ADGRG7: variants seen among roughly 807,000 people sequenced by gnomAD.
ADGRG7 encodes the protein G-protein coupled receptor 128.
ADGRG7 carries 82 observed loss-of-function variants against 88.6 expected under a neutral mutation model. The observed-to-expected ratio is 0.93, with a 90% CI of 0.77 to 1.11. ADGRG7 has a LOEUF of 1.11. Among genes scored for constraint, ADGRG7 ranks in the 50% most tolerant of loss-of-function variants. The pLI is 0.00. For missense variants in ADGRG7, 945 were observed against 953.4 expected (o/e 0.99, Z 0.12); for synonymous variants, 381 against 345.2 (o/e 1.10, Z -1.15).
intron 6 of ADGRG7, among the ~76,000 whole-genome samples, chr3:100,637,984 G>A (rs1031385584): frequency 1.3e-5 from 2 of 152,194 alleles, no homozygotes; most frequent in African/African-American, 4.8e-5. Context: ...CCACTGTCAG[G>A]AGCGAACTCT....
intron 14 of ADGRG7, among the ~76,000 whole-genome samples, chr3:100,660,086 A>T (rs1177574809): frequency 3.9e-5 from 6 of 152,236 alleles, no homozygotes; most frequent in Non-Finnish European, 8.8e-5. Flanking sequence ...CAAAGTGAGG[A>T]TCAACTAAAA....
intron 15 of ADGRG7, among the ~76,000 whole-genome samples, chr3:100,680,289 T>A (rs1446197282): frequency 6.6e-6 from 1 of 152,224 alleles, no homozygotes; most frequent in African/African-American, 2.4e-5. Flanking sequence ...TCCAGCTTTA[T>A]GCACATTGAT....
chr3:100,637,272 C>T (rs1707560587), intron 5 of ADGRG7, 30 bp from the exon 6 acceptor site: 7 of 1,387,936 alleles, frequency 5.0e-6, no homozygotes, highest in Non-Finnish European at 7.2e-6. Context: ...ATATATGCTT[C>T]TCTGATGATC....
At chr3:100,620,684 T>A (rs1381062546) in intron 1 of ADGRG7, among the ~76,000 whole-genome samples, 2 of 152,166 alleles carry the variant, frequency 1.3e-5, no homozygotes, top group African/African-American at 4.8e-5. Flanking sequence ...ATAAAAGCAT[T>A]TTCAGCTAAA....
rs1576321950 is a variant in ADGRG7 at position 100,643,541 on chromosome 3, T to C, written c.854T>C (p.Leu285Pro). 1 of 1,613,376 alleles carries C rather than the reference T, an allele frequency of 6.2e-7. No homozygotes were observed. Among genetic ancestry groups the C allele is most frequent in the Admixed American group, 1.7e-5 (1 of 59,944 alleles). The change falls in exon 8 of 16, where the codon CTA becomes CCA. Residue 285 changes from leucine (L) to proline (P), a missense_variant. Coordinates refer to ENST00000273352, the MANE Select transcript of ADGRG7 (RefSeq NM_032787.3). ...CTTCTCATAGGAGCTAGCAGTTCTCTAGTTTCTAGTTCAACATTTATACAT... is the reference window on the plus strand; with the variant it reads ...CTTCTCATAGGAGCTAGCAGTTCTCCAGTTTCTAGTTCAACATTTATACAT... Reference protein sequence around the residue: ...FSVQKGASSSLVSSSTFIHTN... With the variant: ...FSVQKGASSSPVSSSTFIHTN...
intron 4 of ADGRG7, among the ~76,000 whole-genome samples, chr3:100,634,602 G>T (rs765552366): frequency 6.6e-6 from 1 of 152,164 alleles, no homozygotes; most frequent in African/African-American, 2.4e-5. Context: ...AGATGGGCAG[G>T]GTAGGGGTTG....
At chr3:100,649,358 G>T (rs1264667149) in intron 10 of ADGRG7, among the ~76,000 whole-genome samples, 2 of 152,176 alleles carry the variant, frequency 1.3e-5, no homozygotes, top group East Asian at 3.8e-4. Context: ...ACATCAGCAG[G>T]TTGCACAGGA....
intron 15 of ADGRG7, among the ~76,000 whole-genome samples, chr3:100,690,478 T>G (rs1007209818): frequency 6.6e-6 from 1 of 152,198 alleles, no homozygotes; most frequent in Admixed American, 6.5e-5. Flanking sequence ...TCTGCTCGGT[T>G]TTTTCCCCAT....
At chr3:100,622,176 C>CTTT (rs1454290915) in intron 1 of ADGRG7, among the ~76,000 whole-genome samples, 1 of 151,778 alleles carries the variant, frequency 6.6e-6, no homozygotes, top group Admixed American at 6.6e-5. Flanking sequence ...GACCCCTGTA[C>CTTT]TAGAGTTTTA....
At chr3:100,675,688 G>T (rs1417304864) in intron 15 of ADGRG7, among the ~76,000 whole-genome samples, 3 of 151,990 alleles carry the variant, frequency 2.0e-5, no homozygotes, top group African/African-American at 7.2e-5. Context: ...ATTGGTGTTA[G>T]TTCTTCTTTA....
chr3:100,614,503 G>A (rs573408979), intron 1 of ADGRG7, among the ~76,000 whole-genome samples: 3 of 152,208 alleles, frequency 2.0e-5, no homozygotes, highest in South Asian at 2.1e-4. Context: ...TATTTTATTT[G>A]TATAAATCTT....
intron 15 of ADGRG7, among the ~76,000 whole-genome samples, chr3:100,678,902 A>C (rs2094969172): frequency 6.6e-6 from 1 of 152,232 alleles, no homozygotes; most frequent in Non-Finnish European, 1.5e-5. Context: ...GCGCTGGGTC[A>C]GAACTACAGC....
intron 15 of ADGRG7, among the ~76,000 whole-genome samples, chr3:100,670,782 A>G (rs1006690826): frequency 5.9e-5 from 9 of 152,060 alleles, no homozygotes; most frequent in Non-Finnish European, 1.3e-4. Context: ...TCATTGTTCA[A>G]CTGCCACTTA....
Position 100,620,392 on chromosome 3 carries a change from A to G in ADGRG7, c.116-9206A>G, listed in dbSNP as rs138668087. 3.5e-3 allele frequency among the ~76,000 whole-genome samples: 538 copies of G among 152,330 alleles called. 5 individuals are homozygous for G. The highest frequency in any genetic ancestry group is 5.3e-3 in the Non-Finnish European group (363 of 68,034). On this transcript the variant is annotated intron_variant, in intron 1 of 15. Transcript: ENST00000273352. ...GCTAAAAACTCTCAATAAATTAGGTATCGATGGGACGTATCTCAAAATAAT... is the reference window on the plus strand; with the variant it reads ...GCTAAAAACTCTCAATAAATTAGGTGTCGATGGGACGTATCTCAAAATAAT...
At chr3:100,680,666 T>A (rs1015396055) in intron 15 of ADGRG7, among the ~76,000 whole-genome samples, 1 of 152,132 alleles carries the variant, frequency 6.6e-6, no homozygotes, top group Admixed American at 6.5e-5. Context: ...CATTAACTTT[T>A]CGTTGTCAAC....
Position 100,659,799 on chromosome 3 carries a change from A to G in ADGRG7, c.1935A>G (p.Thr645=). Residue 645 remains threonine (T), a synonymous_variant, in exon 14 of 16, where the codon ACA becomes ACG. Transcript: ENST00000273352. ...ILISNVVMFI[T]ISIKVLWKNN... ...TCAGCAATGTTGTTATGTTTATTAC[A>G]ATCTCGATCAAAGTGCTGTGGAAGA... is the stretch of plus-strand genomic sequence containing the variant. The G allele has an allele frequency of 1.2e-6, 2 of 1,613,950 alleles. No homozygotes were observed. Among genetic ancestry groups the G allele is most frequent in the African/African-American group, 1.3e-5 (1 of 75,026 alleles).
intron 2 of ADGRG7, among the ~76,000 whole-genome samples, chr3:100,630,207 G>A (rs1274294841): frequency 2.0e-5 from 3 of 152,072 alleles, no homozygotes; most frequent in African/African-American, 7.2e-5. Context: ...CAGAATCAAA[G>A]TTCAAGGCCA....
At chr3:100,671,434 T>C (rs181921483) in intron 15 of ADGRG7, among the ~76,000 whole-genome samples, 1 of 152,348 alleles carries the variant, frequency 6.6e-6, no homozygotes, top group Non-Finnish European at 1.5e-5. Flanking sequence ...TTAAGTTCTT[T>C]GTAGATTCTG....
chr3:100,614,423 A>AC (rs1427841701), intron 1 of ADGRG7, among the ~76,000 whole-genome samples: 3 of 152,214 alleles, frequency 2.0e-5, no homozygotes, highest in Non-Finnish European at 1.5e-5. Context: ...AAATTATTTA[A>AC]CCAGTTTATT....
Sources: allele counts gnomAD v4.1 joint callset (sites outside exome capture counted in the v4.1 genomes callset), GRCh38; gene constraint gnomAD v4.1.1; transcripts MANE v1.5; gene names NCBI Gene and HGNC (gene_info 2026-07-23, HGNC 2026-07-21).